UBIAD1: variants seen among roughly 807,000 people sequenced by gnomAD.
UBIAD1 encodes the protein UbiA prenyltransferase domain containing 1.
A neutral mutation model predicts 20.1 loss-of-function variants in UBIAD1; 12 were observed. That is an observed-to-expected ratio of 0.60 (90% CI 0.38 to 0.97). UBIAD1 has a LOEUF of 0.97. Among genes scored for constraint, UBIAD1 ranks in the 50% least tolerant of loss-of-function variants. The probability of loss-of-function intolerance (pLI) is 0.00; values close to 1 mark genes in which losing one functional copy is unlikely to be tolerated. For synonymous variants in UBIAD1, 207 were observed against 189.2 expected (o/e 1.09, Z -0.77); for missense variants, 333 against 419.5 (o/e 0.79, Z 1.80).
chr1:11,296,381 G>A (rs1638448451), downstream of UBIAD1, among the ~76,000 whole-genome samples: 1 of 152,150 alleles, frequency 6.6e-6, no homozygotes, highest in African/African-American at 2.4e-5. Context: ...ACCTCTTTGA[G>A]CTTCCGGTGC....
intron 1 of UBIAD1, among the ~76,000 whole-genome samples, chr1:11,275,983 C>T (rs372948635): frequency 6.6e-6 from 1 of 152,100 alleles, no homozygotes; most frequent in African/African-American, 2.4e-5. Context: ...GGCACACACA[C>T]GGATTATATA....
At chr1:11,275,853 T>C (rs1397076372) in intron 1 of UBIAD1, among the ~76,000 whole-genome samples, 1 of 152,096 alleles carries the variant, frequency 6.6e-6, no homozygotes, top group East Asian at 1.9e-4. Context: ...GCAAGTGCCA[T>C]AGGCCTTCAG....
chr1:11,278,963 C>G, intron 1 of UBIAD1: 1 of 194,654 alleles, frequency 5.1e-6, no homozygotes, highest in South Asian at 1.6e-4. Flanking sequence ...TTCCTAGGTT[C>G]ATGTGATTCT....
chr1:11,281,248 C>T (rs1314262982), intron 1 of UBIAD1, among the ~76,000 whole-genome samples: 1 of 152,188 alleles, frequency 6.6e-6, no homozygotes. Flanking sequence ...AAATTACACA[C>T]CCACTCCGTG....
In UBIAD1 at chr1:11,273,537, G is replaced by A. The variant is rs1405098205; in HGVS notation, c.6G>A (p.Ala2=). The A allele has an allele frequency of 1.2e-6, 2 of 1,612,144 alleles. No individual in the cohort carries two copies. Among genetic ancestry groups the A allele is most frequent in the Admixed American group, 3.3e-5 (2 of 60,030 alleles). The change falls in exon 1 of 2, where the codon GCG becomes GCA. Residue 2 remains alanine, a synonymous_variant. Coordinates refer to ENST00000376810, the MANE Select transcript of UBIAD1 (RefSeq NM_013319.3). The surrounding 1 kb of genome is among the most constrained non-coding windows in gnomAD (Gnocchi z 4.9). ...TTCAACCACGTGGAGCTTCCATGGC[G>A]GCCTCTCAGGTCCTGGGGGAGAAGA... M[A]ASQVLGEKIN... is the part of the protein sequence containing the mutation.
chr1:11,279,662 C>G (rs1442561780), intron 1 of UBIAD1, among the ~76,000 whole-genome samples: 1 of 152,204 alleles, frequency 6.6e-6, no homozygotes, highest in Admixed American at 6.5e-5. Flanking sequence ...GTGATCCACC[C>G]ACCTTGGCCT....
At chr1:11,295,219 A>G (rs746738634), downstream of UBIAD1, 4 of 371,364 alleles carry the variant, frequency 1.1e-5, no homozygotes, top group Non-Finnish European at 2.0e-5. Flanking sequence ...AGAGGTGACA[A>G]TGAGCGGCGA....
At position 11,273,709 on chromosome 1, in the gene UBIAD1, G is replaced by T. The variant is rs1651875263; in HGVS notation, c.178G>T (p.Ala60Ser). The T allele has an allele frequency of 6.2e-7, 1 of 1,614,166 alleles. No homozygotes were observed. Among genetic ancestry groups the T allele is most frequent in the East Asian group, 2.2e-5 (1 of 44,894 alleles). ...GGCCCTGAGGCCCTGGAGCTTCAGTGCCTCACTCACACCGGTGGCCCTGGG... is the reference window on the plus strand; with the variant it reads ...GGCCCTGAGGCCCTGGAGCTTCAGTTCCTCACTCACACCGGTGGCCCTGGG... ...VLALRPWSFS[A>S]SLTPVALGSA... Residue 60 changes from alanine (A) to serine (S), a missense_variant, in exon 1 of 2, where the codon GCC (alanine) becomes TCC (serine). Transcript: ENST00000376810. This position sits in a 1 kb window ranked among gnomAD's most constrained non-coding sequence, Gnocchi z 4.9.
downstream of UBIAD1, among the ~76,000 whole-genome samples, chr1:11,296,759 A>G (rs368041451): frequency 6.6e-6 from 1 of 152,162 alleles, no homozygotes; most frequent in South Asian, 2.1e-4. Context: ...GGCTAAAGCA[A>G]TCCGCCCGCC....
Position 11,285,732 on chromosome 1 carries a change from G to A in UBIAD1, c.618G>A (p.Gln206=). The change falls in exon 2 of 2, where the codon CAG becomes CAA. Residue 206 remains glutamine (Q), a synonymous_variant. Coordinates refer to ENST00000376810, the MANE Select transcript of UBIAD1 (RefSeq NM_013319.3). This position sits in a 1 kb window ranked among gnomAD's most constrained non-coding sequence, Gnocchi z 4.4. ...CTGTGATGTTCGCCTACGCCATCCA[G>A]GTGGGGTCCCTGGCCATCTTCCCAC... ...PLAVMFAYAI[Q]VGSLAIFPLV... 1 of 1,614,016 alleles carries A rather than the reference G, an allele frequency of 6.2e-7. No homozygotes were observed. The highest frequency in any genetic ancestry group is 8.5e-7 in the Non-Finnish European group (1 of 1,180,038).
chr1:11,290,623 C>T (rs929126723), downstream of UBIAD1, among the ~76,000 whole-genome samples: 2 of 152,150 alleles, frequency 1.3e-5, no homozygotes, highest in Non-Finnish European at 2.9e-5. Context: ...CTTCTGGAGT[C>T]GGGTGGGAAA....
rs1651886557 is a variant in UBIAD1, at chr1:11,273,888, G to A, written c.357G>A (p.Arg119=). Residue 119 remains arginine, a synonymous_variant, in exon 1 of 2, where the codon AGG becomes AGA. Transcript: ENST00000376810. This position sits in a 1 kb window ranked among gnomAD's most constrained non-coding sequence, Gnocchi z 4.9. ...KGIDHKKSDD[R]TLVDRILEPQ... Reference sequence around the variant, plus strand: ...TTGACCACAAAAAGAGTGATGACAGGACACTTGTGGACCGAATCTTGGAGC... The same window carrying A: ...TTGACCACAAAAAGAGTGATGACAGAACACTTGTGGACCGAATCTTGGAGC... The A allele has an allele frequency of 1.9e-6, 3 of 1,614,210 alleles. No individual in the cohort carries two copies. The highest frequency in any genetic ancestry group is 2.5e-6 in the Non-Finnish European group (3 of 1,180,038).
Position 11,273,382 on chromosome 1 carries a change from G to T in UBIAD1, c.-150G>T. 2.1e-6 allele frequency: 2 copies of T among 931,356 alleles called. No individual in the cohort carries two copies. The highest frequency in any genetic ancestry group is 3.3e-6 in the Non-Finnish European group (2 of 614,102). The allele number at this position is 931,356 out of a possible 1,614,324, so 57.7% of individuals were successfully genotyped here. ...TGGGGTGTAAGACCCACTTGCTGTTGCCCCCGGACCTTGCCGCCACACCAG... is the reference window on the plus strand; with the variant it reads ...TGGGGTGTAAGACCCACTTGCTGTTTCCCCCGGACCTTGCCGCCACACCAG... On this transcript the variant is annotated 5_prime_UTR_variant, in exon 1 of 2. Transcript: ENST00000376810. This position sits in a 1 kb window ranked among gnomAD's most constrained non-coding sequence, Gnocchi z 4.9.
chr1:11,284,612 G>A (rs1022805069), intron 1 of UBIAD1, among the ~76,000 whole-genome samples: 1 of 152,088 alleles, frequency 6.6e-6, no homozygotes, highest in Non-Finnish European at 1.5e-5. Flanking sequence ...TTACAGGCGT[G>A]TGCCACACGC....
chr1:11,295,804 G>A (rs1230090602), downstream of UBIAD1: 1 of 152,278 alleles, frequency 6.6e-6, no homozygotes, highest in African/African-American at 2.4e-5. Flanking sequence ...CTCTGTCCCA[G>A]GAGGCAAGAT....
Position 11,273,922 on chromosome 1 carries a change from G to A in UBIAD1, c.391G>A (p.Val131Ile). 1.2e-6 allele frequency: 2 copies of A among 1,614,246 alleles called. No individual in the cohort carries two copies. The highest frequency in any genetic ancestry group is 1.7e-6 in the Non-Finnish European group (2 of 1,180,042). ...GGACCGAATCTTGGAGCCGCAGGAT[G>A]TCGTCCGGTTCGGAGTCTTCCTCTA... ...LVDRILEPQD[V>I]VRFGVFLYTL... Residue 131 changes from valine (V) to isoleucine (I), a missense_variant, in exon 1 of 2, where the codon GTC becomes ATC. Transcript: ENST00000376810. The surrounding 1 kb of genome is among the most constrained non-coding windows in gnomAD (Gnocchi z 4.9).
chr1:11,286,275 C>A lies in UBIAD1; in HGVS notation c.*144C>A. 1 of 1,070,016 alleles carries A rather than the reference C, an allele frequency of 9.3e-7. No individual in the cohort carries two copies. The highest frequency in any genetic ancestry group is 1.4e-6 in the Non-Finnish European group (1 of 739,996). The allele number at this position is 1,070,016 out of a possible 1,614,324, so 66.3% of individuals were successfully genotyped here. On this transcript the variant is annotated 3_prime_UTR_variant, in exon 2 of 2. Coordinates refer to ENST00000376810, the MANE Select transcript of UBIAD1 (RefSeq NM_013319.3). ...GCCTTATAAAAATTGTTTTTGTGTT[C>A]TTAAAGATAATATGTTGTTTTTCTG...
chr1:11,279,720 T>G (rs1195630676), intron 1 of UBIAD1, among the ~76,000 whole-genome samples: 1 of 152,256 alleles, frequency 6.6e-6, no homozygotes, highest in Non-Finnish European at 1.5e-5. Context: ...CTGGCCAACT[T>G]TGGACATCTT....
chr1:11,295,145 A>G (rs1278316756), exon 2 of UBIAD1: 1 of 550,430 alleles, frequency 1.8e-6, no homozygotes, highest in African/African-American at 1.9e-5. Flanking sequence ...ACCATAGAAT[A>G]AACAACGACC....
Sources: allele counts gnomAD v4.1 joint callset (sites outside exome capture counted in the v4.1 genomes callset), GRCh38; gene constraint gnomAD v4.1.1; non-coding constraint Gnocchi (gnomAD v3.1); transcripts MANE v1.5; gene names NCBI Gene and HGNC (gene_info 2026-07-23, HGNC 2026-07-21).